The following RICTOR variants were observed in gnomAD, a reference collection of about 807,000 sequenced individuals.
The protein encoded by RICTOR is rapamycin-insensitive companion of mTOR.
In RICTOR, 49 loss-of-function variants were observed where a neutral mutation model predicts 214.9. The ratio of observed to expected loss-of-function variants is 0.23; its 90% CI spans 0.18 to 0.29. The LOEUF (loss-of-function observed/expected upper bound fraction) is 0.29, where lower values mean the gene tolerates loss of function less well. Among genes scored for constraint, RICTOR ranks in the 10% least tolerant of loss-of-function variants. The pLI, the probability that RICTOR is intolerant of heterozygous loss-of-function variation, is 1.00. For missense variants in RICTOR, 1,625 were observed against 2,047.0 expected, an observed-to-expected ratio of 0.79 and a Z score of 3.98; for synonymous variants, 717 against 711.3, an observed-to-expected ratio of 1.01 and a Z score of -0.13.
intron 2 of RICTOR, among the ~76,000 whole-genome samples, chr5:39,021,433 T>C (rs1048314721): frequency 1.3e-5 from 2 of 152,196 alleles, no homozygotes; most frequent in Non-Finnish European, 2.9e-5. Context: ...TGTTGGAAAC[T>C]TAACCACTAA....
Position 38,960,492 on chromosome 5 carries a change from T to G in RICTOR, c.1757A>C (p.Lys586Thr). 1 of 1,613,790 alleles carries G rather than the reference T, an allele frequency of 6.2e-7. No homozygotes were observed. The highest frequency in any genetic ancestry group is 8.5e-7 in the Non-Finnish European group (1 of 1,179,754). Residue 586 changes from lysine (K) to threonine (T), a missense_variant, in exon 20 of 38, where the codon AAA becomes ACA. Lys to Thr is a moderately conservative substitution (Grantham distance 78). Coordinates refer to ENST00000357387, the MANE Select transcript of RICTOR (RefSeq NM_152756.5). The part of the protein sequence containing the change: ...RLLYFYKPSS[K>T]LYANLDLDFA... ...ATCCAGATCCAGGTTGGCATATAAT[T>G]TACTGCTGGGCTTGTAAAAATAAAG... is the stretch of plus-strand genomic sequence containing the variant.
intron 2 of RICTOR, among the ~76,000 whole-genome samples, chr5:39,059,492 A>G (rs548022352): frequency 1.2e-4 from 19 of 152,228 alleles, no homozygotes; most frequent in African/African-American, 4.6e-4. Context: ...ATTTATAACA[A>G]AGACTTTTTG....
At position 38,947,999 on chromosome 5, in the gene RICTOR, CACTGATATTTCCACAATGT is replaced by C. The variant is rs575676900; in HGVS notation, c.4137-577_4137-559del. On this transcript the variant is annotated intron_variant, in intron 31 of 37. Coordinates refer to ENST00000357387, the MANE Select transcript of RICTOR (RefSeq NM_152756.5). ...TATGACGAGATATCCTTGTAAAAAG[CACTGATATTTCCACAATGT>C]ACTGATATTTCCACAATGTACTCCT... Among the ~76,000 whole-genome samples, 919 of 152,118 alleles carry C rather than the reference CACTGATATTTCCACAATGT, an allele frequency of 6.0e-3. 14 individuals are homozygous for C. Among genetic ancestry groups the C allele is most frequent in the African/African-American group, 0.019 (808 of 41,518 alleles).
At chr5:38,951,552 C>T (rs1050673602) in intron 30 of RICTOR, among the ~76,000 whole-genome samples, 1 of 151,910 alleles carries the variant, frequency 6.6e-6, no homozygotes, top group African/African-American at 2.4e-5. Flanking sequence ...CTTTCTTCTT[C>T]TTTTGTGGTA....
intron 7 of RICTOR, among the ~76,000 whole-genome samples, chr5:38,990,018 T>C (rs1752466450): frequency 6.6e-6 from 1 of 151,672 alleles, no homozygotes; most frequent in African/African-American, 2.4e-5. Context: ...TACAACTCAT[T>C]GTACTATAGA....
At chr5:39,025,466 T>C (rs1028651004) in intron 2 of RICTOR, among the ~76,000 whole-genome samples, 3 of 152,266 alleles carry the variant, frequency 2.0e-5, no homozygotes, top group African/African-American at 7.2e-5. Context: ...TCTAATGTTT[T>C]AGATCAGAAA....
chr5:38,968,912 G>A lies in RICTOR; in HGVS notation c.973-882C>T, dbSNP rs115858996. On this transcript the variant is annotated intron_variant, in intron 11 of 37. Coordinates refer to ENST00000357387, the MANE Select transcript of RICTOR (RefSeq NM_152756.5). ...TATGGAGGTGGAAGACAGTGATACTGATGATCCTAACCCTGTATAGGCCTA... is the reference window on the plus strand; with the variant it reads ...TATGGAGGTGGAAGACAGTGATACTAATGATCCTAACCCTGTATAGGCCTA... Among the ~76,000 whole-genome samples the A allele has an allele frequency of 2.4e-3, 361 of 151,058 alleles. 1 individual carries two copies. The highest frequency in any genetic ancestry group is 8.5e-3 in the African/African-American group (351 of 41,150).
intron 2 of RICTOR, among the ~76,000 whole-genome samples, chr5:39,033,078 T>A (rs1561553067): frequency 2.0e-5 from 3 of 152,214 alleles, no homozygotes; most frequent in Admixed American, 1.3e-4. Flanking sequence ...ATTAATACCA[T>A]CTATTTTCAC....
chr5:38,947,829 G>C (rs1294725464), intron 31 of RICTOR, among the ~76,000 whole-genome samples: 1 of 152,032 alleles, frequency 6.6e-6, no homozygotes, highest in African/African-American at 2.4e-5. Flanking sequence ...CTAAGGATAT[G>C]TGTATCAACT....
chr5:39,056,426 C>T (rs1003216714), intron 2 of RICTOR, among the ~76,000 whole-genome samples: 7 of 152,008 alleles, frequency 4.6e-5, no homozygotes, highest in South Asian at 4.1e-4. Context: ...CTTGAGCCCA[C>T]GATTCAAGAC....
intron 2 of RICTOR, among the ~76,000 whole-genome samples, chr5:39,027,789 A>G (rs1391638042): frequency 6.6e-6 from 1 of 152,220 alleles, no homozygotes; most frequent in African/African-American, 2.4e-5. Flanking sequence ...AGCAGTCTTA[A>G]TTAGTATAAA....
chr5:39,066,971 CCTGTCTT>C (rs1283222651), intron 2 of RICTOR, among the ~76,000 whole-genome samples: 1 of 152,188 alleles, frequency 6.6e-6, no homozygotes, highest in Non-Finnish European at 1.5e-5. Context: ...CCCTCATTTT[CCTGTCTT>C]CTGAGTCCTC....
chr5:39,054,323 T>G (rs1456227985), intron 2 of RICTOR, among the ~76,000 whole-genome samples: 1 of 152,132 alleles, frequency 6.6e-6, no homozygotes, highest in Non-Finnish European at 1.5e-5. Flanking sequence ...CATGTCTTAG[T>G]GCTGGATAGG....
At chr5:38,980,655 G>A (rs1751642362) in intron 8 of RICTOR, among the ~76,000 whole-genome samples, 1 of 152,094 alleles carries the variant, frequency 6.6e-6, no homozygotes, top group South Asian at 2.1e-4. Context: ...AGACCAGCCT[G>A]AGCAACATGG....
At chr5:38,952,927 C>A in intron 29 of RICTOR, 58 bp downstream of exon 29, 2 of 989,706 alleles carry the variant, frequency 2.0e-6, no homozygotes, top group African/African-American at 1.6e-5. Flanking sequence ...TTTCCCCTAA[C>A]ATCCATTTGT....
chr5:38,974,060 T>G (rs544506576), intron 10 of RICTOR, among the ~76,000 whole-genome samples: 1 of 150,570 alleles, frequency 6.6e-6, no homozygotes, highest in Admixed American at 6.6e-5. Context: ...GTTTCTTTCT[T>G]TTTTTTTGAG....
Position 38,941,744 on chromosome 5 carries a change from A to T in RICTOR, c.*560T>A, listed in dbSNP as rs991221945. On this transcript the variant is annotated 3_prime_UTR_variant, in exon 38 of 38. Transcript: ENST00000357387. ...GAGGCTCTTCTTCTGCTTTGAGGTTATAAACCTCTGAAGTAGTGTTACAAA... is the reference window on the plus strand; with the variant it reads ...GAGGCTCTTCTTCTGCTTTGAGGTTTTAAACCTCTGAAGTAGTGTTACAAA... 4.3e-6 allele frequency: 1 copy of T among 232,322 alleles called. No individual in the cohort carries two copies. The highest frequency in any genetic ancestry group is 2.2e-5 in the African/African-American group (1 of 45,262). 14.4% of individuals were successfully genotyped at this position (232,322 alleles called of 1,614,324 possible). A position where few individuals can be genotyped will look rare whatever the true frequency, so the allele number is the denominator to read the frequency against.
At chr5:39,070,817 T>TA (rs1002542930) in intron 2 of RICTOR, among the ~76,000 whole-genome samples, 6 of 152,180 alleles carry the variant, frequency 3.9e-5, no homozygotes, top group Non-Finnish European at 7.4e-5. Context: ...ATCCTTGCAG[T>TA]ACAAATGGCG....
chr5:38,947,872 C>G (rs902541760), intron 31 of RICTOR, among the ~76,000 whole-genome samples: 1 of 152,038 alleles, frequency 6.6e-6, no homozygotes, highest in Non-Finnish European at 1.5e-5. Context: ...AAAATGAGAT[C>G]AATTACATAT....
Sources: gnomAD v4.1 joint callset for allele counts (sites outside exome capture counted in the v4.1 genomes callset) on GRCh38, gnomAD v4.1.1 for gene constraint, MANE v1.5 for transcripts, NCBI Gene and HGNC (gene_info 2026-07-23, HGNC 2026-07-21) for gene names.